Variants in IMMP2L observed in about 807,000 individuals in gnomAD.
The protein encoded by IMMP2L is mitochondrial inner membrane protease subunit 2.
In IMMP2L, 18 loss-of-function variants were observed where a neutral mutation model predicts 19.3. The observed-to-expected ratio is 0.93, with a 90% confidence interval of 0.64 to 1.38. The LOEUF is 1.38. Ranked by LOEUF, IMMP2L falls within the 40% of genes most tolerant of loss-of-function variation. The probability of loss-of-function intolerance (pLI) is 0.00; values close to 1 mark genes in which losing one functional copy is unlikely to be tolerated. For missense variants in IMMP2L, 233 were observed against 218.2 expected, an observed-to-expected ratio of 1.07 and a Z score of -0.43; for synonymous variants, 76 against 73.0, an observed-to-expected ratio of 1.04 and a Z score of -0.21.
At chr7:111,190,850 G>C (rs1808784200) in intron 3 of IMMP2L, among the ~76,000 whole-genome samples, 1 of 152,084 alleles carries the variant, frequency 6.6e-6, no homozygotes, top group Non-Finnish European at 1.5e-5. Flanking sequence ...ATCTTAACTA[G>C]GCAATTTGAA....
At chr7:111,301,695 C>A (rs1384616186) in intron 3 of IMMP2L, among the ~76,000 whole-genome samples, 1 of 151,914 alleles carries the variant, frequency 6.6e-6, no homozygotes, top group Non-Finnish European at 1.5e-5. Context: ...TCTCCAGCAT[C>A]ATTTGTTGAA....
chr7:110,720,786 G>A (rs942202749), intron 5 of IMMP2L, among the ~76,000 whole-genome samples: 2 of 152,040 alleles, frequency 1.3e-5, no homozygotes, highest in Non-Finnish European at 2.9e-5. Context: ...TTCTGCCTAT[G>A]CTTTTAAAAT....
At chr7:111,157,329 G>A (rs1804748732) in intron 3 of IMMP2L, among the ~76,000 whole-genome samples, 1 of 152,054 alleles carries the variant, frequency 6.6e-6, no homozygotes, top group Non-Finnish European at 1.5e-5. Context: ...CAACCTAAGT[G>A]TCCATCAATT....
chr7:111,415,168 G>T (rs1289821431), intron 3 of IMMP2L, among the ~76,000 whole-genome samples: 1 of 151,754 alleles, frequency 6.6e-6, no homozygotes, highest in African/African-American at 2.4e-5. Flanking sequence ...AAAGAAGGGG[G>T]CCTGTATAGG....
intron 5 of IMMP2L, among the ~76,000 whole-genome samples, chr7:110,838,339 C>A (rs1309958948): frequency 1.3e-5 from 2 of 152,052 alleles, no homozygotes; most frequent in African/African-American, 2.4e-5. Flanking sequence ...ATGGTTTGTC[C>A]TTTGCGTTTC....
At chr7:111,487,496 T>C (rs536226884) in intron 2 of IMMP2L, among the ~76,000 whole-genome samples, 155 bp from the exon 3 acceptor site, 2 of 152,288 alleles carry the variant, frequency 1.3e-5, no homozygotes, top group Non-Finnish European at 2.9e-5. Context: ...ATGATGAGTT[T>C]TCAAAAAGGC....
At chr7:111,369,735 TA>T (rs1450794725) in intron 3 of IMMP2L, among the ~76,000 whole-genome samples, 1 of 151,956 alleles carries the variant, frequency 6.6e-6, no homozygotes, top group Non-Finnish European at 1.5e-5. Context: ...ATGCTTGATT[TA>T]AAAAGCAATG....
chr7:110,763,339 C>T (rs950490512), intron 5 of IMMP2L, among the ~76,000 whole-genome samples: 2 of 152,186 alleles, frequency 1.3e-5, no homozygotes, highest in Non-Finnish European at 2.9e-5. Flanking sequence ...ACACACTTTC[C>T]GGCATATACT....
At position 111,439,252 on chromosome 7, in the gene IMMP2L, T is replaced by C. The variant is rs78861328; in HGVS notation, c.239+47986A>G. 5.7e-3 allele frequency among the ~76,000 whole-genome samples: 865 copies of C among 151,888 alleles called. 30 individuals carry two copies. The highest frequency in any genetic ancestry group is 0.019 in the African/African-American group (799 of 41,228). Reference sequence around the variant, plus strand: ...GAAATGGCTCTTTCCAATCCTCCCTTCCAATCTCTACTCCACAATTCTAGT... The same window carrying C: ...GAAATGGCTCTTTCCAATCCTCCCTCCCAATCTCTACTCCACAATTCTAGT... On this transcript the variant is annotated intron_variant, in intron 3 of 5. Coordinates refer to ENST00000405709, the MANE Select transcript of IMMP2L (RefSeq NM_032549.4).
At chr7:111,377,380 T>C (rs1353744691) in intron 3 of IMMP2L, among the ~76,000 whole-genome samples, 11 of 151,996 alleles carry the variant, frequency 7.2e-5, no homozygotes. Context: ...CCCTCTATAC[T>C]ACAGCTCTGT....
chr7:111,180,790 T>C (rs547374926), intron 3 of IMMP2L, among the ~76,000 whole-genome samples: 1 of 152,180 alleles, frequency 6.6e-6, no homozygotes, highest in African/African-American at 2.4e-5. Context: ...TAAAATTCAT[T>C]TTGGCTGTTT....
intron 5 of IMMP2L, among the ~76,000 whole-genome samples, chr7:110,679,116 C>T (rs1003352797): frequency 1.3e-5 from 2 of 152,040 alleles, no homozygotes; most frequent in African/African-American, 4.8e-5. Flanking sequence ...TCTAGTCCCC[C>T]CAAGACACCC....
intron 3 of IMMP2L, among the ~76,000 whole-genome samples, chr7:111,131,088 A>T (rs1184001327): frequency 6.6e-6 from 1 of 152,042 alleles, no homozygotes; most frequent in Non-Finnish European, 1.5e-5. Flanking sequence ...CAAACCTTTG[A>T]GTGTAAAAAA....
intron 5 of IMMP2L, among the ~76,000 whole-genome samples, chr7:110,850,171 T>G (rs1208243516): frequency 4.0e-5 from 6 of 151,878 alleles, no homozygotes; most frequent in African/African-American, 1.5e-4. Flanking sequence ...GCAATTAGGG[T>G]AGGAGACTGG....
At chr7:111,489,127 T>C (rs889844077) in intron 2 of IMMP2L, among the ~76,000 whole-genome samples, 4 of 141,816 alleles carry the variant, frequency 2.8e-5, no homozygotes, top group African/African-American at 1.0e-4. Flanking sequence ...CACTGCAATC[T>C]CCGCCTCCCG....
chr7:110,960,546 T>C (rs1018329554), intron 4 of IMMP2L, among the ~76,000 whole-genome samples: 7 of 151,972 alleles, frequency 4.6e-5, no homozygotes, highest in South Asian at 4.1e-4. Flanking sequence ...ATCGTATCTA[T>C]ATACTGTTTT....
At chr7:111,236,693 C>A (rs191126177) in intron 3 of IMMP2L, among the ~76,000 whole-genome samples, 87 of 152,202 alleles carry the variant, frequency 5.7e-4, no homozygotes, top group Admixed American at 3.9e-3. Flanking sequence ...CAAACTCTAG[C>A]CACCTGGACT....
intron 4 of IMMP2L, among the ~76,000 whole-genome samples, chr7:110,921,333 A>G (rs1814252203): frequency 6.6e-6 from 1 of 152,190 alleles, no homozygotes; most frequent in South Asian, 2.1e-4. Flanking sequence ...AGACAGTGGC[A>G]TCTATAAATT....
intron 3 of IMMP2L, among the ~76,000 whole-genome samples, chr7:111,033,407 T>C (rs116394307): frequency 0.012 from 1,834 of 152,054 alleles, 42 homozygotes; most frequent in African/African-American, 0.043. Flanking sequence ...TGAAAGAGGG[T>C]TTGGCAGTTT....
Sources: allele counts gnomAD v4.1 joint callset (sites outside exome capture counted in the v4.1 genomes callset), GRCh38; gene constraint gnomAD v4.1.1; transcripts MANE v1.5; gene names NCBI Gene and HGNC (gene_info 2026-07-23, HGNC 2026-07-21).